SLC30A8: variants seen among roughly 807,000 people sequenced by gnomAD.
SLC30A8 encodes the protein solute carrier family 30 member 8, also known as proton-coupled zinc antiporter SLC30A8.
SLC30A8 carries 27 observed loss-of-function variants against 36.9 expected under a neutral mutation model. The ratio of observed to expected loss-of-function variants is 0.73; its 90% CI spans 0.54 to 1.01. The LOEUF (loss-of-function observed/expected upper bound fraction) is 1.01. Ranked by LOEUF, SLC30A8 falls within the 50% of genes least tolerant of loss-of-function variation. The probability of loss-of-function intolerance (pLI) is 0.00; values close to 1 mark genes in which losing one functional copy is unlikely to be tolerated. For synonymous variants in SLC30A8, 164 were observed against 172.4 expected (o/e 0.95, Z 0.38); for missense variants, 439 against 452.0 (o/e 0.97, Z 0.26).
intron 2 of SLC30A8, among the ~76,000 whole-genome samples, chr8:117,119,494 A>G (rs183376654): frequency 3.3e-5 from 5 of 152,024 alleles, no homozygotes; most frequent in African/African-American, 1.2e-4. Flanking sequence ...AAGGGGAATG[A>G]GAGAAGACTA....
chr8:117,117,192 G>A (rs576064271), intron 2 of SLC30A8, among the ~76,000 whole-genome samples: 17 of 152,044 alleles, frequency 1.1e-4, no homozygotes, highest in African/African-American at 3.1e-4. Flanking sequence ...AGCTGATACT[G>A]TAGTATTTTC....
intron 1 of SLC30A8, among the ~76,000 whole-genome samples, chr8:117,009,996 G>A (rs535750186): frequency 6.6e-6 from 1 of 152,352 alleles, no homozygotes; most frequent in South Asian, 2.1e-4. Context: ...GAACAGCACA[G>A]GCTTTGAACC....
At chr8:117,062,946 C>T (rs1038912040) in intron 2 of SLC30A8, among the ~76,000 whole-genome samples, 4 of 152,148 alleles carry the variant, frequency 2.6e-5, no homozygotes, top group East Asian at 1.9e-4. Flanking sequence ...TAAAACAGAT[C>T]GCCTCCATTT....
chr8:117,170,095 A>C (rs757976108), intron 6 of SLC30A8, among the ~76,000 whole-genome samples: 30 of 152,146 alleles, frequency 2.0e-4, no homozygotes, highest in Non-Finnish European at 4.1e-4. Flanking sequence ...GCCTGATAGA[A>C]TCACCAAATG....
At chr8:117,030,258 T>TA (rs34275499) in intron 1 of SLC30A8, among the ~76,000 whole-genome samples, 16,327 of 139,518 alleles carry the variant, frequency 0.12, 1,078 homozygotes, top group East Asian at 0.19. Flanking sequence ...TTGCTTTTGT[T>TA]AAAAAAAAAA....
At chr8:117,130,046 A>C (rs1392928995), upstream of SLC30A8, 2 of 151,956 alleles carry the variant, frequency 1.3e-5, no homozygotes, top group African/African-American at 4.8e-5. Context: ...AAAATAACTC[A>C]TCTCCTGATG....
intron 2 of SLC30A8, among the ~76,000 whole-genome samples, chr8:117,097,270 G>T (rs1366500485): frequency 6.7e-6 from 1 of 148,226 alleles, no homozygotes; most frequent in Non-Finnish European, 1.5e-5. Context: ...ATGGTGGCAG[G>T]CGCCTGTAGT....
intron 2 of SLC30A8, among the ~76,000 whole-genome samples, chr8:117,085,063 G>T (rs1230378071): frequency 6.6e-6 from 1 of 151,966 alleles, no homozygotes; most frequent in Non-Finnish European, 1.5e-5. Flanking sequence ...GAACAGATAG[G>T]CACATAACAG....
intron 2 of SLC30A8, among the ~76,000 whole-genome samples, chr8:117,077,129 G>C (rs186113581): frequency 5.0e-4 from 76 of 152,222 alleles, no homozygotes; most frequent in African/African-American, 1.5e-3. Context: ...TATCCTCCCA[G>C]GTTACTCCTG....
chr8:116,962,277 C>G (rs1814450251), intron 1 of SLC30A8, among the ~76,000 whole-genome samples: 1 of 151,910 alleles, frequency 6.6e-6, no homozygotes, highest in African/African-American at 2.4e-5. Flanking sequence ...GAACAATAGA[C>G]CTTATAGAGC....
intron 1 of SLC30A8, among the ~76,000 whole-genome samples, chr8:116,967,559 T>C (rs1436468783): frequency 6.6e-6 from 1 of 152,216 alleles, no homozygotes; most frequent in Non-Finnish European, 1.5e-5. Context: ...TTTTCCAATC[T>C]GCAACATGTA....
intron 2 of SLC30A8, among the ~76,000 whole-genome samples, chr8:117,150,797 G>A (rs1822148082): frequency 6.6e-6 from 1 of 152,000 alleles, no homozygotes; most frequent in African/African-American, 2.4e-5. Flanking sequence ...AGTGGAGACG[G>A]GGTTTCACCG....
chr8:116,991,361 A>G (rs982631053), intron 1 of SLC30A8, among the ~76,000 whole-genome samples: 3 of 151,776 alleles, frequency 2.0e-5, no homozygotes, highest in African/African-American at 7.3e-5. Context: ...GCTGGAGTGC[A>G]ATGGCATGAT....
intron 1 of SLC30A8, among the ~76,000 whole-genome samples, chr8:116,984,210 A>G (rs1028064663): frequency 6.6e-6 from 1 of 152,150 alleles, no homozygotes; most frequent in African/African-American, 2.4e-5. Flanking sequence ...CTTTTCACCT[A>G]TGAAATGACA....
In SLC30A8 at chr8:117,081,040, T is replaced by C. The variant is rs144739539; in HGVS notation, c.-226+41782T>C. Among the ~76,000 whole-genome samples, 17 of 152,332 alleles carry C rather than the reference T, an allele frequency of 1.1e-4. No individual in the cohort carries two copies. The East Asian group carries it at 3.1e-3, about 28-fold the overall frequency. On this transcript the variant is annotated intron_variant, in intron 2 of 10. Coordinates refer to the SLC30A8 transcript ENST00000427715. ...TTTAATCTTGTTTCATTTTATTTACTTTAATATCTTCCTCCAAAGTCATTT... is the reference window on the plus strand; with the variant it reads ...TTTAATCTTGTTTCATTTTATTTACCTTAATATCTTCCTCCAAAGTCATTT...
chr8:116,972,784 C>T (rs924009887), intron 1 of SLC30A8, among the ~76,000 whole-genome samples: 41 of 152,134 alleles, frequency 2.7e-4, no homozygotes, highest in African/African-American at 9.7e-4. Context: ...ATCTTCTTTT[C>T]TACTTAGGCT....
At chr8:117,138,771 G>A (rs1821487045) in intron 1 of SLC30A8, among the ~76,000 whole-genome samples, 1 of 151,948 alleles carries the variant, frequency 6.6e-6, no homozygotes, top group African/African-American at 2.4e-5. Flanking sequence ...TCCGTATTCA[G>A]TGCTCCACTT....
intron 1 of SLC30A8, among the ~76,000 whole-genome samples, chr8:116,970,118 A>C (rs1361739694): frequency 6.6e-6 from 1 of 151,848 alleles, no homozygotes; most frequent in Non-Finnish European, 1.5e-5. Context: ...TTATTCTATA[A>C]TTTTTTTTCT....
chr8:117,102,815 C>T (rs1255636851), intron 2 of SLC30A8, among the ~76,000 whole-genome samples: 1 of 152,110 alleles, frequency 6.6e-6, no homozygotes, highest in African/African-American at 2.4e-5. Context: ...CAATACAATA[C>T]ATGATGCATC....
Sources: gnomAD v4.1 joint callset for allele counts (sites outside exome capture counted in the v4.1 genomes callset) on GRCh38, gnomAD v4.1.1 for gene constraint, MANE v1.5 for transcripts, NCBI Gene and HGNC (gene_info 2026-07-23, HGNC 2026-07-21) for gene names.